ARFGAP3: variants seen among roughly 807,000 people sequenced by gnomAD.
ARFGAP3 encodes ADP-ribosylation factor GTPase-activating protein 3.
A neutral mutation model predicts 75.0 loss-of-function variants in ARFGAP3; 72 were observed. That is an observed-to-expected ratio of 0.96 (90% confidence interval 0.79 to 1.17). The LOEUF (loss-of-function observed/expected upper bound fraction) is 1.17. Ranked by LOEUF, ARFGAP3 falls within the 50% of genes most tolerant of loss-of-function variation. The probability of loss-of-function intolerance (pLI) is 0.00; values close to 1 mark genes in which losing one functional copy is unlikely to be tolerated. For missense variants in ARFGAP3, 620 were observed against 626.6 expected, an observed-to-expected ratio of 0.99 and a Z score of 0.11; for synonymous variants, 221 against 217.9, an observed-to-expected ratio of 1.01 and a Z score of -0.13.
At chr22:42,855,805 A>G (rs1046031752) in intron 1 of ARFGAP3, among the ~76,000 whole-genome samples, 1 of 152,084 alleles carries the variant, frequency 6.6e-6, no homozygotes, top group South Asian at 2.1e-4. Context: ...GGACTGCTTG[A>G]GCCCAGGAAT....
chr22:42,797,405 G>T lies in ARFGAP3; in HGVS notation c.*183C>A. ...AAGGAACGTGAAACAGAAATCACAGGAAAGCTCCTACATCAGAACTCAGAA... is the reference window on the plus strand; with the variant it reads ...AAGGAACGTGAAACAGAAATCACAGTAAAGCTCCTACATCAGAACTCAGAA... On this transcript the variant is annotated 3_prime_UTR_variant, in exon 16 of 16. Coordinates refer to ENST00000263245, the MANE Select transcript of ARFGAP3 (RefSeq NM_014570.5). The T allele has an allele frequency of 1.4e-6, 1 of 711,540 alleles. No individual in the cohort carries two copies. Among genetic ancestry groups the T allele is most frequent in the East Asian group, 2.7e-5 (1 of 36,898 alleles). The allele number at this position is 711,540 out of a possible 1,614,324, so 44.1% of individuals were successfully genotyped here.
In ARFGAP3 at chr22:42,807,151, C is replaced by A. The variant is rs1344125621; in HGVS notation, c.1333G>T (p.Ala445Ser). Residue 445 changes from alanine (A) to serine (S), a missense_variant, in exon 14 of 16, where the codon GCC becomes TCC. Coordinates refer to ENST00000263245, the MANE Select transcript of ARFGAP3 (RefSeq NM_014570.5). ...CTTGCCGACAGCCTCTCTAGGCGGG[C>A]CCTGGTCTCATACTAGAGAAGACAA... ...RQSQADYETRARLERLSASSS... is the reference protein window; with the variant it reads ...RQSQADYETRSRLERLSASSS... 1 of 1,611,708 alleles carries A rather than the reference C, an allele frequency of 6.2e-7. No individual in the cohort carries two copies.
intron 3 of ARFGAP3, 154 bp from the exon 4 acceptor site, chr22:42,835,647 T>C (rs1308363627): frequency 5.0e-6 from 2 of 402,424 alleles, no homozygotes; most frequent in African/African-American, 4.4e-5. Flanking sequence ...CGGTGAAACC[T>C]TGCCTTTACT....
At chr22:42,820,836 CAA>C (rs1476895163) in intron 9 of ARFGAP3, among the ~76,000 whole-genome samples, 1 of 152,174 alleles carries the variant, frequency 6.6e-6, no homozygotes, top group African/African-American at 2.4e-5. Flanking sequence ...AAGAGCCTTA[CAA>C]AAGTCTACGG....
At chr22:42,817,656 CAGTCCA>C in intron 10 of ARFGAP3, 67 bp downstream of exon 10, 1 of 1,242,428 alleles carries the variant, frequency 8.0e-7, no homozygotes, top group Non-Finnish European at 1.1e-6. Flanking sequence ...GAAACTAACA[CAGTCCA>C]AGAAAAATCC....
At chr22:42,832,615 T>G (rs1926346388) in intron 5 of ARFGAP3, among the ~76,000 whole-genome samples, 1 of 151,408 alleles carries the variant, frequency 6.6e-6, no homozygotes, top group African/African-American at 2.4e-5. Flanking sequence ...CCTTACCCAG[T>G]GGGACTGGGA....
intron 8 of ARFGAP3, among the ~76,000 whole-genome samples, chr22:42,823,102 G>A (rs906851651): frequency 1.3e-5 from 2 of 152,008 alleles, no homozygotes; most frequent in African/African-American, 4.8e-5. Flanking sequence ...GAGTCACTAC[G>A]CCTGGCCTAT....
At chr22:42,847,792 C>T (rs1419494461) in intron 1 of ARFGAP3, 160 bp from the exon 2 acceptor site, 4 of 412,378 alleles carry the variant, frequency 9.7e-6, no homozygotes, top group African/African-American at 4.5e-5. Flanking sequence ...TTTTTAAAAG[C>T]CTCAAATTTC....
chr22:42,801,120 G>A (rs1924837484), intron 14 of ARFGAP3, among the ~76,000 whole-genome samples: 2 of 152,206 alleles, frequency 1.3e-5, no homozygotes, highest in Non-Finnish European at 1.5e-5. Flanking sequence ...AGGTGCATGG[G>A]GCGGTGCCTG....
intron 11 of ARFGAP3, among the ~76,000 whole-genome samples, chr22:42,811,262 GA>G (rs1283003382): frequency 6.6e-6 from 1 of 152,220 alleles, no homozygotes; most frequent in Non-Finnish European, 1.5e-5. Context: ...GTACTCTAGA[GA>G]ACCACCTGAA....
At chr22:42,807,015 T>G in intron 14 of ARFGAP3, 58 bp downstream of exon 14, 108 of 1,481,490 alleles carry the variant, frequency 7.3e-5, no homozygotes, top group Non-Finnish European at 9.2e-5. Flanking sequence ...CCTATCCAGA[T>G]GAAATGTGTT....
At chr22:42,810,097 G>T (rs1925297808) in intron 12 of ARFGAP3, among the ~76,000 whole-genome samples, 1 of 151,752 alleles carries the variant, frequency 6.6e-6, no homozygotes. Context: ...CTTCAGGGAA[G>T]AGGACTCCAC....
chr22:42,804,298 G>A (rs906377349), intron 14 of ARFGAP3, among the ~76,000 whole-genome samples: 3 of 150,706 alleles, frequency 2.0e-5, no homozygotes, highest in African/African-American at 4.9e-5. Context: ...CAACATCCCC[G>A]TCCCAGGTTC....
At chr22:42,814,302 G>A (rs1367663639) in intron 11 of ARFGAP3, among the ~76,000 whole-genome samples, 1 of 152,180 alleles carries the variant, frequency 6.6e-6, no homozygotes, top group Non-Finnish European at 1.5e-5. Context: ...CAGAGTCCAT[G>A]TTTATTTTAC....
intron 6 of ARFGAP3, among the ~76,000 whole-genome samples, chr22:42,827,541 T>C (rs1418520365): frequency 6.6e-6 from 1 of 152,156 alleles, no homozygotes; most frequent in Non-Finnish European, 1.5e-5. Context: ...TAATTTTGTA[T>C]TTTTAGTAGA....
At chr22:42,801,585 G>A (rs1461410160) in intron 14 of ARFGAP3, among the ~76,000 whole-genome samples, 2 of 152,202 alleles carry the variant, frequency 1.3e-5, no homozygotes, top group East Asian at 1.9e-4. Flanking sequence ...GGAACACATC[G>A]CCCCTGCAGC....
Position 42,797,436 on chromosome 22 carries a change from CA to C in ARFGAP3, c.*151del. On this transcript the variant is annotated 3_prime_UTR_variant, in exon 16 of 16. Coordinates refer to ENST00000263245, the MANE Select transcript of ARFGAP3 (RefSeq NM_014570.5). ...TCCTACATCAGAACTCAGAATTTCT[CA>C]AAAGAAATATTAAAAATCAGAAACA... The C allele has an allele frequency of 9.9e-7, 1 of 1,006,574 alleles. No individual in the cohort carries two copies. The highest frequency in any genetic ancestry group is 1.5e-6 in the Non-Finnish European group (1 of 672,964). 62.4% of individuals were successfully genotyped at this position (1,006,574 alleles called of 1,614,324 possible). A position where few individuals can be genotyped will look rare whatever the true frequency, so the allele number is the denominator to read the frequency against.
chr22:42,807,197 C>T, intron 13 of ARFGAP3, 34 bp from the exon 14 acceptor site: 2 of 1,580,318 alleles, frequency 1.3e-6, no homozygotes. Context: ...ATGTTAGGCT[C>T]CAAAGATTGT....
chr22:42,852,532 T>C (rs1331190522), intron 1 of ARFGAP3, among the ~76,000 whole-genome samples: 1 of 151,194 alleles, frequency 6.6e-6, no homozygotes, highest in Non-Finnish European at 1.5e-5. Flanking sequence ...GCTAATTTTT[T>C]GTATTTTTAG....
Sources: allele counts gnomAD v4.1 joint callset (sites outside exome capture counted in the v4.1 genomes callset), GRCh38; gene constraint gnomAD v4.1.1; transcripts MANE v1.5; gene names NCBI Gene and HGNC (gene_info 2026-07-23, HGNC 2026-07-21).